The following PCDHA3 variants were observed in gnomAD, a reference collection of about 807,000 sequenced individuals.
PCDHA3 encodes the protein protocadherin alpha 3.
In PCDHA3, 41 loss-of-function variants were observed where a neutral mutation model predicts 62.2. The ratio of observed to expected loss-of-function variants is 0.66; its 90% CI spans 0.51 to 0.86. The LOEUF is 0.86. Ranked by LOEUF, PCDHA3 falls within the 40% of genes least tolerant of loss-of-function variation. PCDHA3 has a pLI of 0.00. For missense variants in PCDHA3, 1,304 were observed against 1,241.2 expected, an observed-to-expected ratio of 1.05 and a Z score of -0.76; for synonymous variants, 640 against 555.4, an observed-to-expected ratio of 1.15 and a Z score of -2.14.
chr5:140,985,111 G>A (rs1252708098), intron 3 of PCDHA3, among the ~76,000 whole-genome samples: 2 of 151,892 alleles, frequency 1.3e-5, no homozygotes, highest in African/African-American at 2.4e-5. Context: ...CTAATTTTTT[G>A]TGTTTTTAGT....
At chr5:140,817,553 G>A (rs1766158365) in intron 1 of PCDHA3, 2 of 152,034 alleles carry the variant, frequency 1.3e-5, no homozygotes, top group African/African-American at 4.8e-5. Context: ...ACACATCCTT[G>A]ACTTATTACC....
At chr5:140,959,414 C>T (rs1408668310) in intron 1 of PCDHA3, among the ~76,000 whole-genome samples, 3 of 151,996 alleles carry the variant, frequency 2.0e-5, no homozygotes, top group African/African-American at 7.2e-5. Context: ...GTTGATTGAT[C>T]TGAGAATTTG....
chr5:140,928,616 G>A, intron 1 of PCDHA3: 2 of 1,614,226 alleles, frequency 1.2e-6, no homozygotes, highest in Non-Finnish European at 8.5e-7. Flanking sequence ...CGCTCTGCCA[G>A]GACTGGACAC....
chr5:140,839,000 A>G (rs190109951), intron 1 of PCDHA3, among the ~76,000 whole-genome samples: 4 of 152,212 alleles, frequency 2.6e-5, no homozygotes, highest in Admixed American at 2.6e-4. Flanking sequence ...ATTCTAATAT[A>G]CTTTAGTAAA....
intron 3 of PCDHA3, among the ~76,000 whole-genome samples, chr5:140,993,375 C>T (rs1238667698): frequency 1.3e-5 from 2 of 151,770 alleles, no homozygotes; most frequent in Non-Finnish European, 2.9e-5. Flanking sequence ...ACCTCCCAGC[C>T]GGGTCCCTGA....
rs115795241 is a variant in PCDHA3, at chr5:140,931,728, G to A, written c.2395-47221G>A. 2.8e-3 allele frequency among the ~76,000 whole-genome samples: 427 copies of A among 151,850 alleles called. 1 individual carries two copies. The highest frequency in any genetic ancestry group is 4.4e-3 in the Non-Finnish European group (297 of 67,780). ...GAATAAAATAACTTCTATAAATATGGGGTATTTGTAATTCACAAAGGCATT... is the reference window on the plus strand; with the variant it reads ...GAATAAAATAACTTCTATAAATATGAGGTATTTGTAATTCACAAAGGCATT... On this transcript the variant is annotated intron_variant, in intron 1 of 3. Coordinates refer to ENST00000522353, the MANE Select transcript of PCDHA3 (RefSeq NM_018906.3).
intron 1 of PCDHA3, chr5:140,829,906 G>A (rs2150177512): frequency 6.2e-6 from 10 of 1,613,980 alleles, no homozygotes; most frequent in Non-Finnish European, 8.5e-6. Flanking sequence ...GCTACAACGC[G>A]TGGCTTTCGT....
intron 1 of PCDHA3, among the ~76,000 whole-genome samples, chr5:140,920,671 C>T (rs1218067284): frequency 2.0e-5 from 3 of 151,960 alleles, no homozygotes; most frequent in African/African-American, 7.3e-5. Flanking sequence ...TGGTGAAACC[C>T]CATCTCTACT....
At chr5:140,895,339 T>C (rs1331642230) in intron 1 of PCDHA3, among the ~76,000 whole-genome samples, 3 of 152,196 alleles carry the variant, frequency 2.0e-5, no homozygotes, top group African/African-American at 4.8e-5. Context: ...ATTGTTTTAC[T>C]ATGCTTTCCA....
intron 2 of PCDHA3, 148 bp from the exon 3 acceptor site, chr5:140,982,327 C>T: frequency 7.0e-7 from 1 of 1,419,146 alleles, no homozygotes; most frequent in Non-Finnish European, 9.4e-7. Context: ...AGGGTGACTG[C>T]TCAGCAGTAA....
intron 1 of PCDHA3, chr5:140,868,220 A>C (rs1360862031): frequency 6.6e-6 from 1 of 152,156 alleles, no homozygotes; most frequent in Admixed American, 6.5e-5. Context: ...TATATGTCAA[A>C]TAAAAACTCA....
At chr5:140,827,315 C>A (rs2150147062) in intron 1 of PCDHA3, among the ~76,000 whole-genome samples, 1 of 152,126 alleles carries the variant, frequency 6.6e-6, no homozygotes, top group East Asian at 1.9e-4. Flanking sequence ...GGTAGAAATT[C>A]CACTAGAATT....
intron 1 of PCDHA3, chr5:140,805,324 TTGATG>T: frequency 8.0e-7 from 1 of 1,257,674 alleles, no homozygotes; most frequent in East Asian, 3.6e-5. Context: ...TCCAATGTGC[TTGATG>T]TCAATGATCA....
At chr5:140,848,356 A>T in intron 1 of PCDHA3, 1 of 1,038,310 alleles carries the variant, frequency 9.6e-7, no homozygotes, top group Non-Finnish European at 1.4e-6. Flanking sequence ...CCCTTTTCCC[A>T]TGGGAAAGAG....
intron 1 of PCDHA3, chr5:140,876,322 A>G (rs146464308): frequency 6.2e-7 from 1 of 1,614,034 alleles, no homozygotes; most frequent in Non-Finnish European, 8.5e-7. Context: ...GATCAAAATG[A>G]TTTTGCCAGT....
chr5:140,951,662 G>A (rs1246504133), intron 1 of PCDHA3, among the ~76,000 whole-genome samples: 1 of 152,150 alleles, frequency 6.6e-6, no homozygotes, highest in African/African-American at 2.4e-5. Context: ...ACCAGGGCCT[G>A]CCTACAAAAT....
intron 1 of PCDHA3, chr5:140,808,722 C>A (rs577899528): frequency 3.7e-6 from 6 of 1,612,134 alleles, no homozygotes; most frequent in Admixed American, 1.7e-5. Flanking sequence ...TCGGTGCATG[C>A]GGAGAGCGGC....
rs1554262683 is a variant in PCDHA3 at position 141,010,108 on chromosome 5, G to A, written c.*171G>A. 23 of 1,611,296 alleles carry A rather than the reference G, an allele frequency of 1.4e-5. No homozygotes were observed. Among genetic ancestry groups the A allele is most frequent in the East Asian group, 4.5e-5 (2 of 44,852 alleles). On this transcript the variant is annotated 3_prime_UTR_variant, in exon 4 of 4. Transcript: ENST00000522353. ...TAGAACGCATTTAACAGGTTTTGTC[G>A]TAAAAGCTTTACTAAGTCTGGTGTT...
chr5:140,879,926 A>G (rs1214178444), intron 1 of PCDHA3, among the ~76,000 whole-genome samples: 7 of 152,170 alleles, frequency 4.6e-5, no homozygotes, highest in African/African-American at 1.4e-4. Flanking sequence ...TTACAAAGGT[A>G]CATGTGATTG....
Sources: allele counts gnomAD v4.1 joint callset (sites outside exome capture counted in the v4.1 genomes callset), GRCh38; gene constraint gnomAD v4.1.1; transcripts MANE v1.5; gene names NCBI Gene and HGNC (gene_info 2026-07-23, HGNC 2026-07-21).